The following PDE10A variants were observed in gnomAD, a reference collection of about 807,000 sequenced individuals.
PDE10A encodes the protein phosphodiesterase 10A, also known as cAMP and cAMP-inhibited cGMP 3',5'-cyclic phosphodiesterase 10A.
In PDE10A, 39 loss-of-function variants were observed where a neutral mutation model predicts 97.7. The ratio of observed to expected loss-of-function variants is 0.40; its 90% CI spans 0.31 to 0.52. PDE10A has a LOEUF of 0.52. Ranked by LOEUF, PDE10A falls within the 20% of genes least tolerant of loss-of-function variation. PDE10A has a pLI of 0.56. For synonymous variants in PDE10A, 371 were observed against 376.8 expected, an observed-to-expected ratio of 0.98 and a Z score of 0.18; for missense variants, 731 against 1,047.8, an observed-to-expected ratio of 0.70 and a Z score of 4.17.
chr6:165,402,032 G>A (rs190303616), intron 13 of PDE10A, among the ~76,000 whole-genome samples: 51 of 152,230 alleles, frequency 3.4e-4, no homozygotes, highest in African/African-American at 1.1e-3. Context: ...GTTAGTAAGA[G>A]TAACTATACT....
chr6:165,530,910 C>G (rs975045076), intron 2 of PDE10A, among the ~76,000 whole-genome samples: 1 of 152,252 alleles, frequency 6.6e-6, no homozygotes, highest in South Asian at 2.1e-4. Context: ...TATCAAATCT[C>G]CTTCAAACCT....
At chr6:165,768,618 T>G (rs1029262925) in intron 1 of PDE10A, among the ~76,000 whole-genome samples, 6 of 152,144 alleles carry the variant, frequency 3.9e-5, no homozygotes, top group Non-Finnish European at 7.3e-5. Flanking sequence ...ACTTTTGAAG[T>G]TTAATGTATC....
chr6:165,688,433 C>T (rs529819747), intron 1 of PDE10A, among the ~76,000 whole-genome samples: 2 of 152,300 alleles, frequency 1.3e-5, no homozygotes, highest in East Asian at 3.9e-4. Flanking sequence ...GTATAATTGA[C>T]GAAGCCTCAG....
chr6:165,509,942 G>C (rs1781418223), intron 2 of PDE10A, among the ~76,000 whole-genome samples: 1 of 151,896 alleles, frequency 6.6e-6, no homozygotes, highest in African/African-American at 2.4e-5. Context: ...CAACTATACT[G>C]TATTTGCTTA....
At chr6:165,823,524 A>ATATATG (rs72442429) in intron 1 of PDE10A, among the ~76,000 whole-genome samples, 1,957 of 79,258 alleles carry the variant, frequency 0.025, 255 homozygotes, top group Middle Eastern at 0.076. Context: ...ATATATATAT[A>ATATATG]TGAACCTTAA....
At chr6:165,940,208 G>C (rs757034282) in intron 1 of PDE10A, 6 of 152,216 alleles carry the variant, frequency 3.9e-5, no homozygotes, top group African/African-American at 1.4e-4. Flanking sequence ...GCAATATGTT[G>C]TAGTGTCTTT....
At chr6:165,440,997 A>C (rs543691702) in intron 5 of PDE10A, among the ~76,000 whole-genome samples, 1 of 152,358 alleles carries the variant, frequency 6.6e-6, no homozygotes, top group East Asian at 1.9e-4. Context: ...GCAAAAATTC[A>C]GTCATGAAAA....
intron 2 of PDE10A, among the ~76,000 whole-genome samples, chr6:165,538,057 G>A (rs912164245): frequency 1.1e-4 from 17 of 151,762 alleles, no homozygotes; most frequent in African/African-American, 3.9e-4. Context: ...GAAACCATCC[G>A]TTACATATTA....
At chr6:165,530,432 C>T (rs972484795) in intron 2 of PDE10A, among the ~76,000 whole-genome samples, 1 of 150,996 alleles carries the variant, frequency 6.6e-6, no homozygotes, top group Non-Finnish European at 1.5e-5. Context: ...TTAAACAAAC[C>T]AACAAGCGAA....
At chr6:165,888,614 C>T (rs886249237) in intron 1 of PDE10A, among the ~76,000 whole-genome samples, 3 of 152,234 alleles carry the variant, frequency 2.0e-5, no homozygotes, top group East Asian at 1.9e-4. Flanking sequence ...TTGCCTTCTG[C>T]GGGAATGTAA....
intron 13 of PDE10A, among the ~76,000 whole-genome samples, chr6:165,410,950 T>C (rs1208333412): frequency 2.8e-5 from 1 of 36,362 alleles, no homozygotes; most frequent in East Asian, 3.4e-4. Flanking sequence ...TAGCCGGGCG[T>C]GGTGGCGGTG....
intron 5 of PDE10A, among the ~76,000 whole-genome samples, chr6:165,441,136 G>C (rs1029483134): frequency 6.6e-6 from 1 of 152,168 alleles, no homozygotes; most frequent in African/African-American, 2.4e-5. Context: ...TTCTGCCCAA[G>C]AGACATCCTT....
At chr6:165,673,516 C>G (rs1179565166) in intron 1 of PDE10A, among the ~76,000 whole-genome samples, 1 of 152,254 alleles carries the variant, frequency 6.6e-6, no homozygotes, top group South Asian at 2.1e-4. Context: ...AAGATGATCT[C>G]CGCAGACCTT....
chr6:165,412,305 G>GT (rs571341042), intron 13 of PDE10A, among the ~76,000 whole-genome samples: 198 of 152,134 alleles, frequency 1.3e-3, no homozygotes, highest in Non-Finnish European at 2.3e-3. Flanking sequence ...TTGCTATTGT[G>GT]TTTTTTAATA....
At chr6:165,691,111 C>G (rs539856460) in intron 1 of PDE10A, among the ~76,000 whole-genome samples, 3 of 107,650 alleles carry the variant, frequency 2.8e-5, no homozygotes, top group African/African-American at 1.1e-4. Context: ...CTCTCTCCCC[C>G]CCCCCATCAG....
At chr6:165,608,435 T>A (rs1199031813) in intron 1 of PDE10A, among the ~76,000 whole-genome samples, 1 of 152,186 alleles carries the variant, frequency 6.6e-6, no homozygotes, top group South Asian at 2.1e-4. Flanking sequence ...ACAAAGGACA[T>A]GAACTCATCC....
intron 17 of PDE10A, among the ~76,000 whole-genome samples, chr6:165,387,210 A>C (rs1167672374): frequency 6.6e-6 from 1 of 152,220 alleles, no homozygotes; most frequent in Non-Finnish European, 1.5e-5. Context: ...AAAATGACTC[A>C]AATAGCTCCA....
At chr6:165,822,686 T>C (rs1259046521) in intron 1 of PDE10A, among the ~76,000 whole-genome samples, 1 of 151,870 alleles carries the variant, frequency 6.6e-6, no homozygotes, top group Non-Finnish European at 1.5e-5. Context: ...GGGTGAGTGA[T>C]AAGTGAGTGG....
chr6:165,767,572 T>TAGC (rs1365125645), intron 1 of PDE10A, among the ~76,000 whole-genome samples: 1 of 152,242 alleles, frequency 6.6e-6, no homozygotes, highest in Non-Finnish European at 1.5e-5. Flanking sequence ...TTCTCTCTCT[T>TAGC]AGCATAATGT....
Sources: allele counts gnomAD v4.1 joint callset (sites outside exome capture counted in the v4.1 genomes callset), GRCh38; gene constraint gnomAD v4.1.1; transcripts MANE v1.5; gene names NCBI Gene and HGNC (gene_info 2026-07-23, HGNC 2026-07-21).